MTHFD1: variants seen among roughly 807,000 people sequenced by gnomAD.
MTHFD1 encodes the protein C-1-tetrahydrofolate synthase, cytoplasmic.
A neutral mutation model predicts 110.3 loss-of-function variants in MTHFD1; 44 were observed. The observed-to-expected ratio is 0.40, with a 90% confidence interval of 0.31 to 0.51. The LOEUF is 0.51. Ranked by LOEUF, MTHFD1 falls within the 20% of genes least tolerant of loss-of-function variation. The probability of loss-of-function intolerance (pLI) is 0.60; values close to 1 mark genes in which losing one functional copy is unlikely to be tolerated. For synonymous variants in MTHFD1, 402 were observed against 428.8 expected, an observed-to-expected ratio of 0.94 and a Z score of 0.77; for missense variants, 909 against 1,173.1, an observed-to-expected ratio of 0.77 and a Z score of 3.29.
At position 64,431,576 on chromosome 14, in the gene MTHFD1, T is replaced by G; in HGVS notation, c.1356T>G (p.Ala452=). Residue 452 remains alanine, a synonymous_variant, in exon 14 of 28, where the codon GCT becomes GCG. Transcript: ENST00000652337. ...GTGACATCCATGCCATCACTGCAGC[T>G]AATAACCTCGTTGCTGCGGCCATTG... ...LTGDIHAITA[A]NNLVAAAIDA... is the part of the protein sequence containing the mutation. 1.9e-6 allele frequency: 3 copies of G among 1,614,200 alleles called. No individual in the cohort carries two copies. Among genetic ancestry groups the G allele is most frequent in the Non-Finnish European group, 2.5e-6 (3 of 1,180,014 alleles).
chr14:64,444,620 A>G, intron 21 of MTHFD1, 73 bp from the exon 22 acceptor site: 1 of 1,551,390 alleles, frequency 6.4e-7, no homozygotes, highest in Non-Finnish European at 8.9e-7. Flanking sequence ...TGCCTTTAAC[A>G]CATGAAAAGC....
Position 64,449,537 on chromosome 14 carries a change from G to C in MTHFD1, c.2372G>C (p.Gly791Ala), listed in dbSNP as rs778588478. ...DAVKCTHWAE[G>A]GKGALALAQA... ...GTGAAGTGCACTCACTGGGCAGAAG[G>C]GGGCAAGGGTGCCTTAGCCCTGGCT... Residue 791 changes from glycine to alanine, a missense_variant, in exon 24 of 28, where the codon GGG (glycine) becomes GCG (alanine). Gly to Ala is a moderately conservative substitution (Grantham distance 60). Around this residue, in one of 3 missense-constraint regions of MTHFD1, gnomAD observed 482 missense variants for 646.0 expected, o/e 0.75. Coordinates refer to ENST00000652337, the MANE Select transcript of MTHFD1 (RefSeq NM_005956.4). 3.7e-6 allele frequency: 6 copies of C among 1,614,160 alleles called. No individual in the cohort carries two copies. Among genetic ancestry groups the C allele is most frequent in the African/African-American group, 1.3e-5 (1 of 75,044 alleles).
At chr14:64,448,006 GT>G in intron 22 of MTHFD1, 1 of 597,364 alleles carries the variant, frequency 1.7e-6, no homozygotes, top group Non-Finnish European at 3.0e-6. Flanking sequence ...CTACTCTAGT[GT>G]CATAGGCTGG....
chr14:64,400,099 G>T (rs2077884683), intron 1 of MTHFD1, among the ~76,000 whole-genome samples: 1 of 152,166 alleles, frequency 6.6e-6, no homozygotes, highest in African/African-American at 2.4e-5. Flanking sequence ...ATTTAAAAGA[G>T]AAATACAGGC....
intron 15 of MTHFD1, among the ~76,000 whole-genome samples, chr14:64,432,224 G>C (rs2078165706): frequency 6.6e-6 from 1 of 152,122 alleles, no homozygotes; most frequent in South Asian, 2.1e-4. Context: ...TTGTTTCTCC[G>C]CTTACTTGTC....
At position 64,412,657 on chromosome 14, in the gene MTHFD1, GAC is replaced by G. The variant is rs1447244420; in HGVS notation, c.240+136_240+137del. 4 of 576,522 alleles carry G rather than the reference GAC, an allele frequency of 6.9e-6. No individual in the cohort carries two copies. In the African/African-American group the frequency reaches 8.3e-5, roughly 12 times the overall value. The allele number at this position is 576,522 out of a possible 1,614,324, so 35.7% of individuals were successfully genotyped here. A position where few individuals can be genotyped will look rare whatever the true frequency, so the allele number is the denominator to read the frequency against. On this transcript the variant is annotated intron_variant, in intron 4 of 27. Transcript: ENST00000652337. ...GTATTTTTTTTTTTTTTTTTTTTGA[GAC>G]ACAGTTTTGCTCATGTCACCCAGGC...
chr14:64,441,305 C>A, intron 18 of MTHFD1, 80 bp from the exon 19 acceptor site: 1 of 1,319,130 alleles, frequency 7.6e-7, no homozygotes, highest in Non-Finnish European at 1.1e-6. Context: ...CATGGGTAAG[C>A]CTAGAATGTC....
At chr14:64,435,511 T>C in intron 15 of MTHFD1, 58 bp from the exon 16 acceptor site, 1 of 1,200,080 alleles carries the variant, frequency 8.3e-7, no homozygotes, top group Admixed American at 1.7e-5. Flanking sequence ...ATTTTTGTCT[T>C]ACGTTTATTG....
At chr14:64,405,032 G>A (rs750784868) in intron 2 of MTHFD1, among the ~76,000 whole-genome samples, 32 of 152,064 alleles carry the variant, frequency 2.1e-4, no homozygotes, top group Non-Finnish European at 3.2e-4. Context: ...TTGTCTAAGA[G>A]GGCTTAGCTG....
chr14:64,439,513 A>G, intron 17 of MTHFD1: 1 of 344,810 alleles, frequency 2.9e-6, no homozygotes, highest in South Asian at 3.0e-5. Flanking sequence ...ATTCCCTTGT[A>G]TATGAAAGAA....
At chr14:64,409,850 T>TA (rs1361239604) in intron 2 of MTHFD1, among the ~76,000 whole-genome samples, 12 of 152,160 alleles carry the variant, frequency 7.9e-5, no homozygotes. Flanking sequence ...CGTCCAGTAA[T>TA]AGCACCAATA....
intron 1 of MTHFD1, among the ~76,000 whole-genome samples, chr14:64,396,636 T>G (rs4899134): frequency 0.22 from 32,152 of 147,844 alleles, 3,623 homozygotes; most frequent in Middle Eastern, 0.25. Flanking sequence ...CCAGCTCAGG[T>G]GATCCACCCA....
chr14:64,423,827 T>C (rs897155482), intron 8 of MTHFD1, among the ~76,000 whole-genome samples: 4 of 150,828 alleles, frequency 2.7e-5, no homozygotes, highest in East Asian at 2.0e-4. Context: ...CCCGGGTTCA[T>C]GCCATTCTCC....
intron 2 of MTHFD1, 80 bp downstream of exon 2, chr14:64,400,957 C>A: frequency 9.3e-7 from 1 of 1,075,926 alleles, no homozygotes; most frequent in East Asian, 2.6e-5. Context: ...CTCTACTTTC[C>A]TCCTTTTTTT....
At chr14:64,413,804 A>G (rs2078004008) in intron 4 of MTHFD1, among the ~76,000 whole-genome samples, 1 of 152,156 alleles carries the variant, frequency 6.6e-6, no homozygotes, top group Non-Finnish European at 1.5e-5. Context: ...GTAATAAGTT[A>G]TTAGAGTTCT....
intron 9 of MTHFD1, 151 bp downstream of exon 9, chr14:64,425,082 T>A: frequency 1.0e-6 from 1 of 984,560 alleles, no homozygotes. Flanking sequence ...AGAAATAAGA[T>A]CAGGCACATT....
chr14:64,438,812 T>A (rs868560332), intron 16 of MTHFD1, among the ~76,000 whole-genome samples: 4 of 152,236 alleles, frequency 2.6e-5, no homozygotes, highest in African/African-American at 9.6e-5. Context: ...ATATGTGGAA[T>A]ATGCTTTAAA....
At chr14:64,397,780 C>T (rs966707987) in intron 1 of MTHFD1, among the ~76,000 whole-genome samples, 1 of 152,154 alleles carries the variant, frequency 6.6e-6, no homozygotes, top group Non-Finnish European at 1.5e-5. Context: ...CTTTGCCTAC[C>T]ATATAGCTTC....
chr14:64,429,330 G>GT (rs377644121), intron 12 of MTHFD1, among the ~76,000 whole-genome samples: 8 of 133,080 alleles, frequency 6.0e-5, no homozygotes, highest in Non-Finnish European at 9.5e-5. Flanking sequence ...TTGTTTGTTT[G>GT]TTTTTTTTGA....
Sources: allele counts gnomAD v4.1 joint callset (sites outside exome capture counted in the v4.1 genomes callset), GRCh38; gene constraint gnomAD v4.1.1; regional missense constraint gnomAD v4.1.1; transcripts MANE v1.5; gene names NCBI Gene and HGNC (gene_info 2026-07-23, HGNC 2026-07-21).